LMBR1: variants seen among roughly 807,000 people sequenced by gnomAD.
LMBR1 encodes the protein limb development membrane protein 1.
LMBR1 carries 52 observed loss-of-function variants against 73.9 expected under a neutral mutation model. That is an observed-to-expected ratio of 0.70 (90% confidence interval 0.56 to 0.89). The LOEUF is 0.89. LMBR1 is among the 40% of genes least tolerant of loss of function. The probability of loss-of-function intolerance (pLI) is 0.00; values close to 1 mark genes in which losing one functional copy is unlikely to be tolerated. For missense variants in LMBR1, 539 were observed against 579.8 expected, an observed-to-expected ratio of 0.93 and a Z score of 0.72; for synonymous variants, 215 against 209.4, an observed-to-expected ratio of 1.03 and a Z score of -0.23.
intron 1 of LMBR1, among the ~76,000 whole-genome samples, chr7:156,874,873 C>T (rs541646005): frequency 3.5e-4 from 54 of 152,194 alleles, no homozygotes; most frequent in South Asian, 3.5e-3. Flanking sequence ...TCCATTAATA[C>T]GACAAAGAAA....
chr7:156,820,561 CCTT>C (rs1834604082), intron 4 of LMBR1, among the ~76,000 whole-genome samples: 1 of 151,630 alleles, frequency 6.6e-6, no homozygotes, highest in African/African-American at 2.4e-5. Flanking sequence ...AATTTAGGGG[CCTT>C]CTATCTCAGT....
At chr7:156,783,607 G>A (rs1401767978) in intron 5 of LMBR1, among the ~76,000 whole-genome samples, 1 of 152,050 alleles carries the variant, frequency 6.6e-6, no homozygotes, top group Non-Finnish European at 1.5e-5. Flanking sequence ...TTTGTTGCTG[G>A]TATTTATTGA....
downstream of LMBR1, chr7:156,675,773 C>T (rs1484399923): frequency 6.2e-7 from 1 of 1,614,052 alleles, no homozygotes. Flanking sequence ...TCGATCAGTG[C>T]TTGGCCATAA....
chr7:156,794,376 T>C (rs28649323), intron 5 of LMBR1, among the ~76,000 whole-genome samples: 10,866 of 152,280 alleles, frequency 0.071, 437 homozygotes, highest in East Asian at 0.14. Flanking sequence ...CCTCCTCAGC[T>C]GATTCTCCCT....
chr7:156,874,327 G>A (rs1006884446), intron 1 of LMBR1, among the ~76,000 whole-genome samples: 11 of 152,318 alleles, frequency 7.2e-5, no homozygotes, highest in East Asian at 3.9e-4. Flanking sequence ...ACGCCCACCC[G>A]GAACTCCAGC....
chr7:156,757,021 G>A (rs1822017407), intron 8 of LMBR1, among the ~76,000 whole-genome samples: 1 of 152,110 alleles, frequency 6.6e-6, no homozygotes, highest in Non-Finnish European at 1.5e-5. Flanking sequence ...TCACCGTGTT[G>A]ACCAAGCTGG....
intron 15 of LMBR1, among the ~76,000 whole-genome samples, chr7:156,709,861 T>C (rs1038964417): frequency 6.7e-6 from 1 of 149,206 alleles, no homozygotes; most frequent in African/African-American, 2.5e-5. Flanking sequence ...CAAGAAGAAA[T>C]CTCTGAATTG....
chr7:156,822,429 G>A (rs1251953094), intron 4 of LMBR1: 3 of 152,066 alleles, frequency 2.0e-5, no homozygotes, highest in Non-Finnish European at 4.4e-5. Flanking sequence ...TTCAAGCCCA[G>A]GTCTATCTGA....
intron 1 of LMBR1, among the ~76,000 whole-genome samples, chr7:156,863,529 C>T (rs183267775): frequency 5.9e-4 from 90 of 152,230 alleles, no homozygotes; most frequent in Non-Finnish European, 8.1e-4. Flanking sequence ...AGTTGACACT[C>T]TATATTCCAT....
At chr7:156,772,904 GA>G (rs767251411) in intron 5 of LMBR1, among the ~76,000 whole-genome samples, 2 of 151,970 alleles carry the variant, frequency 1.3e-5, no homozygotes, top group Non-Finnish European at 2.9e-5. Context: ...ATTCATATAG[GA>G]AGAGGAAGTC....
Position 156,842,023 on chromosome 7 carries a change from A to G in LMBR1, c.67-5138T>C, listed in dbSNP as rs537310481. Among the ~76,000 whole-genome samples the G allele has an allele frequency of 6.5e-4, 98 of 151,434 alleles. 4 individuals are homozygous for G. The highest frequency in any genetic ancestry group is 2.3e-3 in the African/African-American group (95 of 41,442). ...GTATCCATAAATAAAAAGGAGGAGA[A>G]CAAGGAGGAGACAGAATATTTCAGT... is the stretch of plus-strand genomic sequence containing the variant. On this transcript the variant is annotated intron_variant, in intron 1 of 16. Transcript: ENST00000353442.
chr7:156,861,290 T>C (rs1797681906), intron 1 of LMBR1, among the ~76,000 whole-genome samples: 1 of 152,204 alleles, frequency 6.6e-6, no homozygotes, highest in South Asian at 2.1e-4. Context: ...GCTTGAACCT[T>C]CTGAAGCAAC....
At chr7:156,751,980 G>A (rs554100602) in intron 9 of LMBR1, among the ~76,000 whole-genome samples, 1 of 152,308 alleles carries the variant, frequency 6.6e-6, no homozygotes, top group South Asian at 2.1e-4. Context: ...TAATAAGGGA[G>A]TAAAAGCAAA....
At chr7:156,817,119 C>G (rs1439799480) in intron 4 of LMBR1, among the ~76,000 whole-genome samples, 1 of 152,136 alleles carries the variant, frequency 6.6e-6, no homozygotes, top group Non-Finnish European at 1.5e-5. Context: ...CAAAACAAGA[C>G]TGAATTTCCA....
intron 4 of LMBR1, among the ~76,000 whole-genome samples, chr7:156,824,798 T>A (rs1044427357): frequency 1.3e-4 from 20 of 151,716 alleles, no homozygotes; most frequent in African/African-American, 4.4e-4. Flanking sequence ...ACAGCCATGA[T>A]CGTGTCACTG....
chr7:156,762,059 G>T lies in LMBR1; in HGVS notation c.684+75C>A, dbSNP rs1026360987. 4.9e-6 allele frequency: 4 copies of T among 811,146 alleles called. No homozygotes were observed. In the Middle Eastern group the frequency reaches 8.4e-4, roughly 171 times the overall value. 50.2% of individuals were successfully genotyped at this position (811,146 alleles called of 1,614,324 possible). A position where few individuals can be genotyped will look rare whatever the true frequency, so the allele number is the denominator to read the frequency against. On this transcript the variant is annotated intron_variant, in intron 8 of 16. Transcript: ENST00000353442. ...ATTCTTCTTCTATTTCTAAATGCTA[G>T]CTCACAATATCAAAGACAATCAAAT... is the stretch of plus-strand genomic sequence containing the variant.
intron 1 of LMBR1, among the ~76,000 whole-genome samples, chr7:156,872,843 C>T (rs970987495): frequency 6.6e-6 from 1 of 152,158 alleles, no homozygotes; most frequent in African/African-American, 2.4e-5. Flanking sequence ...AACCTTTGCT[C>T]CGGAACTACT....
chr7:156,757,748 T>C (rs928423001), intron 8 of LMBR1, among the ~76,000 whole-genome samples: 3 of 152,160 alleles, frequency 2.0e-5, no homozygotes, highest in Non-Finnish European at 4.4e-5. Context: ...AGAAAACAGA[T>C]TTTCAAATCA....
In LMBR1 at chr7:156,678,925, G is replaced by A. The variant is rs542783821; in HGVS notation, c.*5153C>T. 3 of 152,278 alleles carry A rather than the reference G, an allele frequency of 2.0e-5. No homozygotes were observed. The highest frequency in any genetic ancestry group is 2.1e-4 in the South Asian group (1 of 4,830). The allele number at this position is 152,278 out of a possible 1,614,324, so 9.4% of individuals were successfully genotyped here. A position where few individuals can be genotyped will look rare whatever the true frequency, so the allele number is the denominator to read the frequency against. ...AGAATTCTTAGCGAATTGTGGGACT[G>A]GAGGCATTTGATAAGAATAAAGGTT... On this transcript the variant is annotated 3_prime_UTR_variant, in exon 17 of 17. Coordinates refer to ENST00000353442, the MANE Select transcript of LMBR1 (RefSeq NM_022458.4).
Sources: allele counts gnomAD v4.1 joint callset (sites outside exome capture counted in the v4.1 genomes callset), GRCh38; gene constraint gnomAD v4.1.1; transcripts MANE v1.5; gene names NCBI Gene and HGNC (gene_info 2026-07-23, HGNC 2026-07-21).